SASH1: variants seen among roughly 807,000 people sequenced by gnomAD.
The protein encoded by SASH1 is SAM and SH3 domain-containing protein 1.
A neutral mutation model predicts 125.2 loss-of-function variants in SASH1; 44 were observed. That is an observed-to-expected ratio of 0.35 (90% CI 0.28 to 0.45). The LOEUF (loss-of-function observed/expected upper bound fraction) is 0.45, where lower values mean the gene tolerates loss of function less well. Among genes scored for constraint, SASH1 ranks in the 20% least tolerant of loss-of-function variants. The pLI, the probability that SASH1 is intolerant of heterozygous loss-of-function variation, is 1.00. For synonymous variants in SASH1, 639 were observed against 649.1 expected (o/e 0.98, Z 0.24); for missense variants, 1,426 against 1,614.5 (o/e 0.88, Z 2.00).
intron 1 of SASH1, among the ~76,000 whole-genome samples, chr6:148,274,593 TTATCAGCCTTAGGAA>T (rs1446643222): frequency 2.0e-5 from 3 of 152,170 alleles, no homozygotes; most frequent in South Asian, 2.1e-4. Context: ...GAAAGGGGAA[TTATCAGCCTTAGGAA>T]TATCGTTCCT....
At chr6:148,479,290 C>T (rs1778509685) in intron 7 of SASH1, 1 of 153,912 alleles carries the variant, frequency 6.5e-6, no homozygotes, top group Admixed American at 6.5e-5. Context: ...CTCATGTGAT[C>T]CACCTGCCTT....
chr6:148,354,625 A>G (rs776949655), intron 1 of SASH1, among the ~76,000 whole-genome samples: 3 of 152,214 alleles, frequency 2.0e-5, no homozygotes, highest in Non-Finnish European at 4.4e-5. Flanking sequence ...TTATAAAGCC[A>G]TCATATAACA....
intron 1 of SASH1, among the ~76,000 whole-genome samples, chr6:148,273,264 T>G (rs576475948): frequency 6.6e-6 from 1 of 151,504 alleles, no homozygotes; most frequent in African/African-American, 2.4e-5. Flanking sequence ...TGTCTCTTCT[T>G]TTCTTCTTCT....
chr6:148,380,989 T>A (rs923370193), intron 1 of SASH1, among the ~76,000 whole-genome samples: 2 of 152,206 alleles, frequency 1.3e-5, no homozygotes, highest in Non-Finnish European at 2.9e-5. Flanking sequence ...TTAGTAAATA[T>A]TATTTGAATT....
At chr6:148,222,436 G>C in the SASH1 span, among the ~76,000 whole-genome samples, 6 of 151,996 alleles carry the variant, frequency 3.9e-5, no homozygotes, top group African/African-American at 1.5e-4. Flanking sequence ...GGAGATTGGG[G>C]CTGCACCCTC....
At chr6:148,442,248 C>A (rs1296375391) in intron 4 of SASH1, among the ~76,000 whole-genome samples, 1 of 150,596 alleles carries the variant, frequency 6.6e-6, no homozygotes, top group East Asian at 2.0e-4. Flanking sequence ...CGCCCCCAGC[C>A]CCCCCAAAAT....
chr6:148,455,941 TCC>T (rs1415877906), intron 4 of SASH1, among the ~76,000 whole-genome samples: 1 of 151,770 alleles, frequency 6.6e-6, no homozygotes, highest in African/African-American at 2.4e-5. Context: ...TCCCCTGGAC[TCC>T]CCTGCTGCCC....
chr6:148,516,510 TC>T (rs1780451191), intron 9 of SASH1, among the ~76,000 whole-genome samples: 4 of 21,764 alleles, frequency 1.8e-4, no homozygotes, highest in African/African-American at 6.0e-4. Flanking sequence ...CCCTCCCCCC[TC>T]CCCCGCCCTT....
At chr6:148,366,661 G>A (rs866699408) in intron 1 of SASH1, among the ~76,000 whole-genome samples, 10 of 152,212 alleles carry the variant, frequency 6.6e-5, no homozygotes, top group Middle Eastern at 3.4e-3. Flanking sequence ...GCAATGGTGC[G>A]ATCTCAGCTC....
the SASH1 span, among the ~76,000 whole-genome samples, chr6:148,224,440 A>C: frequency 1.3e-5 from 2 of 151,666 alleles, no homozygotes; most frequent in Non-Finnish European, 2.9e-5. Flanking sequence ...GGCTCACTAC[A>C]ACTTCTGCCT....
Position 148,532,691 on chromosome 6 carries a change from T to A in SASH1, c.1565-106T>A. 1 of 1,364,666 alleles carries A rather than the reference T, an allele frequency of 7.3e-7. No individual in the cohort carries two copies. Among genetic ancestry groups the A allele is most frequent in the Non-Finnish European group, 1.0e-6 (1 of 983,960 alleles). The allele number at this position is 1,364,666 out of a possible 1,614,324, so 84.5% of individuals were successfully genotyped here. A position where few individuals can be genotyped will look rare whatever the true frequency, so the allele number is the denominator to read the frequency against. ...CAGAGGGTTGTGGCTCAAGGCTTCCTTTCTCTGGGCCTTCATTTCCTAATC... is the reference window on the plus strand; with the variant it reads ...CAGAGGGTTGTGGCTCAAGGCTTCCATTCTCTGGGCCTTCATTTCCTAATC... On this transcript the variant is annotated intron_variant, in intron 13 of 19. Transcript: ENST00000367467. This position sits in a 1 kb window ranked among gnomAD's most constrained non-coding sequence, Gnocchi z 4.7.
chr6:148,379,808 C>T, intron 1 of SASH1: 1 of 415,964 alleles, frequency 2.4e-6, no homozygotes. Flanking sequence ...AAACTCCTTA[C>T]AGTGGGAAAT....
chr6:148,425,010 G>A (rs534007299), intron 2 of SASH1, among the ~76,000 whole-genome samples: 2 of 152,266 alleles, frequency 1.3e-5, no homozygotes, highest in East Asian at 1.9e-4. Flanking sequence ...AGGGCAGAGC[G>A]GTGTAAGTGA....
rs778736165 is a variant in SASH1 at position 148,540,575 on chromosome 6, G to A, written c.2209+19G>A. 1.1e-5 allele frequency: 18 copies of A among 1,570,998 alleles called. No homozygotes were observed. Among genetic ancestry groups the A allele is most frequent in the Middle Eastern group, 1.7e-4 (1 of 6,016 alleles). ...GAAAACGGTAATGTCAGCATGAGTCGCTGGGAACCTGCTTTGACAAGTACT... is the reference window on the plus strand; with the variant it reads ...GAAAACGGTAATGTCAGCATGAGTCACTGGGAACCTGCTTTGACAAGTACT... On this transcript the variant is annotated intron_variant, in intron 17 of 19. Transcript: ENST00000367467.
At chr6:148,324,182 G>T (rs966089222) in intron 1 of SASH1, among the ~76,000 whole-genome samples, 1 of 149,878 alleles carries the variant, frequency 6.7e-6, no homozygotes, top group Non-Finnish European at 1.5e-5. Context: ...TGGGAGGGCA[G>T]CAGGCTGGAA....
At position 148,533,338 on chromosome 6, in the gene SASH1, G is replaced by A. The variant is rs1288036755; in HGVS notation, c.1734+372G>A. 6.6e-6 allele frequency among the ~76,000 whole-genome samples: 1 copy of A among 152,154 alleles called. No homozygotes were observed. The highest frequency in any genetic ancestry group is 2.4e-5 in the African/African-American group (1 of 41,420). On this transcript the variant is annotated intron_variant, in intron 14 of 19. Coordinates refer to ENST00000367467, the MANE Select transcript of SASH1 (RefSeq NM_015278.5). This position sits in a 1 kb window ranked among gnomAD's most constrained non-coding sequence, Gnocchi z 6.2. ...CTGTGTGCTCAGAGGTACCTTTATGGGACAGATGGGGTTCCACAAAGTGTG... is the reference window on the plus strand; with the variant it reads ...CTGTGTGCTCAGAGGTACCTTTATGAGACAGATGGGGTTCCACAAAGTGTG...
At chr6:148,342,017 G>C (rs979362597), upstream of SASH1, among the ~76,000 whole-genome samples, 2 of 152,196 alleles carry the variant, frequency 1.3e-5, no homozygotes, top group African/African-American at 4.8e-5. Flanking sequence ...AGGGCCCCAA[G>C]TGTGTGTAGG....
At chr6:148,207,851 CTG>C in the SASH1 span, among the ~76,000 whole-genome samples, 11 of 152,196 alleles carry the variant, frequency 7.2e-5, no homozygotes, top group Non-Finnish European at 1.6e-4. Context: ...AGCTCAGAAA[CTG>C]TGCTTGAGCT....
chr6:148,351,908 G>A (rs1458512746), intron 1 of SASH1, among the ~76,000 whole-genome samples: 1 of 151,910 alleles, frequency 6.6e-6, no homozygotes, highest in Non-Finnish European at 1.5e-5. Flanking sequence ...TGCTATAGGA[G>A]TTTGTCTTTG....
Sources: allele counts gnomAD v4.1 joint callset (sites outside exome capture counted in the v4.1 genomes callset), GRCh38; gene constraint gnomAD v4.1.1; non-coding constraint Gnocchi (gnomAD v3.1); transcripts MANE v1.5; gene names NCBI Gene and HGNC (gene_info 2026-07-23, HGNC 2026-07-21).